Variants in DCT observed in about 807,000 individuals in gnomAD.
The protein encoded by DCT is dopachrome tautomerase.
In DCT, 47 loss-of-function variants were observed where a neutral mutation model predicts 53.0. That is an observed-to-expected ratio of 0.89 (90% CI 0.70 to 1.13). The LOEUF (loss-of-function observed/expected upper bound fraction) is 1.13, where lower values mean the gene tolerates loss of function less well. DCT is among the 50% of genes most tolerant of loss of function. DCT has a pLI of 0.00. For missense variants in DCT, 669 were observed against 637.4 expected (o/e 1.05, Z -0.53); for synonymous variants, 244 against 237.0 (o/e 1.03, Z -0.27).
At chr13:94,527,989 C>T in the DCT span, among the ~76,000 whole-genome samples, 1 of 152,114 alleles carries the variant, frequency 6.6e-6, no homozygotes. Context: ...CTTCGTGACG[C>T]ATGCACAAGT....
the DCT span, among the ~76,000 whole-genome samples, chr13:94,513,161 C>A: frequency 2.6e-5 from 4 of 152,194 alleles, no homozygotes; most frequent in African/African-American, 4.8e-5. Context: ...AAAGAAGGTG[C>A]CTCTCTGATG....
chr13:94,475,286 C>A (rs554054536), intron 1 of DCT, among the ~76,000 whole-genome samples: 1 of 152,288 alleles, frequency 6.6e-6, no homozygotes, highest in Non-Finnish European at 1.5e-5. Context: ...AAAAGACCAT[C>A]TAGCAAGATA....
Position 94,467,111 on chromosome 13 carries a change from C to T in DCT, c.596-453G>A, listed in dbSNP as rs142919065. 5.5e-4 allele frequency: 85 copies of T among 153,170 alleles called. 1 individual carries two copies. The Middle Eastern group carries it at 0.017, about 31-fold the overall frequency. 9.5% of individuals were successfully genotyped at this position (153,170 alleles called of 1,614,324 possible). A position where few individuals can be genotyped will look rare whatever the true frequency, so the allele number is the denominator to read the frequency against. Reference sequence around the variant, plus strand: ...ATTAATAATATTGTAACTTCAACTGCACTTAGTCCTAATGCAGTATTTATG... The same window carrying T: ...ATTAATAATATTGTAACTTCAACTGTACTTAGTCCTAATGCAGTATTTATG... On this transcript the variant is annotated intron_variant, in intron 2 of 7. Coordinates refer to ENST00000377028, the MANE Select transcript of DCT (RefSeq NM_001922.5).
chr13:94,452,811 T>A, intron 6 of DCT: 1 of 466,268 alleles, frequency 2.1e-6, no homozygotes, highest in Non-Finnish European at 3.7e-6. Flanking sequence ...TGGAATAAGT[T>A]AAAAAAAAAG....
the DCT span, among the ~76,000 whole-genome samples, chr13:94,516,031 A>AGATTCTTGATGCT: frequency 1.4e-5 from 2 of 141,098 alleles, no homozygotes; most frequent in South Asian, 5.0e-4. Flanking sequence ...CAGCAACTCA[A>AGATTCTTGATGCT]GCCCCGCCCC....
chr13:94,512,748 A>T, the DCT span, among the ~76,000 whole-genome samples: 1 of 152,216 alleles, frequency 6.6e-6, no homozygotes, highest in African/African-American at 2.4e-5. Flanking sequence ...ATACATACAC[A>T]CACACACACC....
chr13:94,544,032 C>T, the DCT span, among the ~76,000 whole-genome samples: 1 of 96,914 alleles, frequency 1.0e-5, no homozygotes, highest in Non-Finnish European at 2.5e-5. Context: ...AAGACTCTGT[C>T]TCAAAAAAAA....
the DCT span, among the ~76,000 whole-genome samples, chr13:94,498,033 T>C: frequency 6.6e-6 from 1 of 152,364 alleles, no homozygotes; most frequent in South Asian, 2.1e-4. Flanking sequence ...TAAGAGCTGC[T>C]GTCCTCAGGA....
the DCT span, among the ~76,000 whole-genome samples, chr13:94,498,035 T>C: frequency 4.6e-5 from 7 of 152,222 alleles, no homozygotes; most frequent in African/African-American, 7.2e-5. Context: ...AGAGCTGCTG[T>C]CCTCAGGAAG....
the DCT span, among the ~76,000 whole-genome samples, chr13:94,528,924 C>A: frequency 2.0e-5 from 3 of 151,988 alleles, no homozygotes; most frequent in Non-Finnish European, 4.4e-5. Context: ...CACATAGGCT[C>A]AAAATAAAGG....
chr13:94,448,508 C>T (rs2139291170), intron 6 of DCT, among the ~76,000 whole-genome samples: 1 of 152,290 alleles, frequency 6.6e-6, no homozygotes, highest in African/African-American at 2.4e-5. Context: ...CTAATTGTAT[C>T]TTTGTTAAAT....
At chr13:94,540,366 T>C in the DCT span, among the ~76,000 whole-genome samples, 1 of 152,144 alleles carries the variant, frequency 6.6e-6, no homozygotes, top group African/African-American at 2.4e-5. Context: ...ACCTGAAAAG[T>C]AGAATCAATA....
rs41275890 is a variant in DCT at position 94,479,543 on chromosome 13, A to G, written c.-288T>C. ...AAATTTAATGAGGGTAGCGCTTCTC[A>G]CCATCTTCCCCCGTTAAGTCAGGCT... On this transcript the variant is annotated 5_prime_UTR_variant, in exon 1 of 8. Coordinates refer to ENST00000377028, the MANE Select transcript of DCT (RefSeq NM_001922.5). 1 of 313,642 alleles carries G rather than the reference A, an allele frequency of 3.2e-6. No individual in the cohort carries two copies. The highest frequency in any genetic ancestry group is 5.9e-6 in the Non-Finnish European group (1 of 169,668). The allele number at this position is 313,642 out of a possible 1,614,324, so 19.4% of individuals were successfully genotyped here.
the DCT span, among the ~76,000 whole-genome samples, chr13:94,517,321 A>G: frequency 6.6e-6 from 1 of 152,144 alleles, no homozygotes; most frequent in Non-Finnish European, 1.5e-5. Flanking sequence ...ACACTCACCC[A>G]ATATCCTGGA....
intron 4 of DCT, 109 bp downstream of exon 4, chr13:94,465,524 T>C: frequency 1.1e-6 from 1 of 946,674 alleles, no homozygotes; most frequent in Non-Finnish European, 1.5e-6. Flanking sequence ...AACATGTAAA[T>C]AGGACACCAC....
chr13:94,457,743 C>A (rs1273933101), intron 6 of DCT, among the ~76,000 whole-genome samples: 1 of 152,168 alleles, frequency 6.6e-6, no homozygotes, highest in East Asian at 1.9e-4. Context: ...TCAGAAGACA[C>A]ACAGACAGGG....
the DCT span, among the ~76,000 whole-genome samples, chr13:94,498,317 C>T: frequency 2.0e-5 from 3 of 152,224 alleles, no homozygotes; most frequent in South Asian, 6.2e-4. Flanking sequence ...TAAATTAGAG[C>T]TGAGCAGAAA....
chr13:94,530,503 G>A, the DCT span, among the ~76,000 whole-genome samples: 5 of 152,156 alleles, frequency 3.3e-5, no homozygotes, highest in South Asian at 4.1e-4. Flanking sequence ...ATCAACGAAC[G>A]TAATCCATCA....
the DCT span, among the ~76,000 whole-genome samples, chr13:94,489,468 A>G: frequency 6.6e-6 from 1 of 152,216 alleles, no homozygotes; most frequent in African/African-American, 2.4e-5. Context: ...TTAATAAAGC[A>G]TAATTTTAAG....
Sources: gnomAD v4.1 joint callset for allele counts (sites outside exome capture counted in the v4.1 genomes callset) on GRCh38, gnomAD v4.1.1 for gene constraint, MANE v1.5 for transcripts, NCBI Gene and HGNC (gene_info 2026-07-23, HGNC 2026-07-21) for gene names.